Variants in EYS observed in about 807,000 individuals in gnomAD.
EYS encodes EGF-like photoreceptor maintenance factor.
A neutral mutation model predicts 282.1 loss-of-function variants in EYS; 250 were observed. The observed-to-expected ratio is 0.89, with a 90% confidence interval of 0.80 to 0.98. The LOEUF (loss-of-function observed/expected upper bound fraction) is 0.98, where lower values mean the gene tolerates loss of function less well. Ranked by LOEUF, EYS falls within the 50% of genes least tolerant of loss-of-function variation. EYS has a pLI of 0.00. For missense variants in EYS, 4,016 were observed against 3,709.0 expected (o/e 1.08, Z -2.15); for synonymous variants, 1,355 against 1,282.9 (o/e 1.06, Z -1.20).
intron 2 of EYS, among the ~76,000 whole-genome samples, chr6:65,525,051 A>G (rs1018330397): frequency 1.6e-4 from 21 of 130,302 alleles, no homozygotes; most frequent in Non-Finnish European, 3.3e-4. Flanking sequence ...CTTTTTCTAA[A>G]CTGATTTTTT....
intron 2 of EYS, among the ~76,000 whole-genome samples, chr6:65,604,078 T>C (rs1329094207): frequency 1.3e-5 from 2 of 151,904 alleles, no homozygotes; most frequent in South Asian, 2.1e-4. Flanking sequence ...TACTGACTTA[T>C]TATGTCCTCA....
At chr6:65,682,251 T>C (rs1264902021) in intron 1 of EYS, among the ~76,000 whole-genome samples, 3 of 151,944 alleles carry the variant, frequency 2.0e-5, no homozygotes. Flanking sequence ...TGCTGAGAAA[T>C]ACAAGCATAG....
At chr6:65,580,269 G>A (rs1764821697) in intron 2 of EYS, among the ~76,000 whole-genome samples, 1 of 152,054 alleles carries the variant, frequency 6.6e-6, no homozygotes, top group Non-Finnish European at 1.5e-5. Flanking sequence ...AGAAAAGATT[G>A]CTTTGAAATA....
intron 22 of EYS, among the ~76,000 whole-genome samples, chr6:64,744,700 C>T (rs1479714968): frequency 6.6e-6 from 1 of 151,946 alleles, no homozygotes; most frequent in Non-Finnish European, 1.5e-5. Flanking sequence ...AGAGTGTATA[C>T]ACTGAAAAAA....
At chr6:65,677,724 C>T (rs1157227810) in intron 1 of EYS, among the ~76,000 whole-genome samples, 1 of 151,830 alleles carries the variant, frequency 6.6e-6, no homozygotes, top group African/African-American at 2.4e-5. Context: ...TCATAAAGAA[C>T]CACAAAGGAC....
chr6:65,473,278 G>A (rs1246157722), intron 5 of EYS, among the ~76,000 whole-genome samples: 1 of 151,896 alleles, frequency 6.6e-6, no homozygotes, highest in African/African-American at 2.4e-5. Flanking sequence ...CAATATCCTT[G>A]ATGAGGATGG....
intron 26 of EYS, among the ~76,000 whole-genome samples, chr6:64,474,506 T>C (rs1328593361): frequency 6.6e-6 from 1 of 152,228 alleles, no homozygotes; most frequent in Non-Finnish European, 1.5e-5. Flanking sequence ...TCAGTCCTTT[T>C]GGCATCCCAG....
intron 12 of EYS, among the ~76,000 whole-genome samples, chr6:65,233,961 G>A (rs1332234366): frequency 6.6e-6 from 1 of 152,112 alleles, no homozygotes; most frequent in Non-Finnish European, 1.5e-5. Flanking sequence ...GAAGCCCTGA[G>A]TTGACTGTGA....
At chr6:64,692,448 C>A (rs192593490) in intron 22 of EYS, among the ~76,000 whole-genome samples, 1 of 152,002 alleles carries the variant, frequency 6.6e-6, no homozygotes, top group Non-Finnish European at 1.5e-5. Context: ...TCTTTTGCTG[C>A]AAAGAAGCTC....
chr6:63,883,037 C>CA (rs1348126189), intron 35 of EYS, among the ~76,000 whole-genome samples: 8 of 152,146 alleles, frequency 5.3e-5, no homozygotes, highest in African/African-American at 1.7e-4. Context: ...CAATACTCTA[C>CA]AAAAAATTCC....
At chr6:64,767,998 C>T (rs914923022) in intron 22 of EYS, among the ~76,000 whole-genome samples, 2 of 151,820 alleles carry the variant, frequency 1.3e-5, no homozygotes, top group African/African-American at 2.4e-5. Flanking sequence ...GAGATAATAC[C>T]TTATTGCGAT....
intron 33 of EYS, among the ~76,000 whole-genome samples, chr6:64,024,677 T>C (rs1007016090): frequency 2.0e-5 from 3 of 151,946 alleles, no homozygotes; most frequent in African/African-American, 4.8e-5. Context: ...CCCCTGAAGC[T>C]AGCGAGACCA....
At chr6:65,288,827 T>C (rs577428707) in intron 12 of EYS, among the ~76,000 whole-genome samples, 82 of 151,312 alleles carry the variant, frequency 5.4e-4, no homozygotes, top group African/African-American at 2.0e-3. Context: ...TATTTATGAC[T>C]TTTACCTTGT....
At chr6:65,223,064 A>C (rs543674322) in intron 12 of EYS, among the ~76,000 whole-genome samples, 9 of 152,146 alleles carry the variant, frequency 5.9e-5, no homozygotes, top group Non-Finnish European at 1.2e-4. Flanking sequence ...AAAAGCAATG[A>C]TAAATTTAAC....
intron 22 of EYS, among the ~76,000 whole-genome samples, chr6:64,634,594 A>T (rs1310030435): frequency 6.6e-6 from 1 of 151,408 alleles, no homozygotes; most frequent in East Asian, 1.9e-4. Flanking sequence ...CAAAATATTG[A>T]AGTGTGGTAT....
At position 63,970,233 on chromosome 6, in the gene EYS, A is replaced by G. The variant is rs370547234; in HGVS notation, c.7055+14150T>C. Among the ~76,000 whole-genome samples the G allele has an allele frequency of 7.2e-5, 11 of 152,306 alleles. No homozygotes were observed. The East Asian group carries it at 2.1e-3, about 29-fold the overall frequency. On this transcript the variant is annotated intron_variant, in intron 35 of 42. Transcript: ENST00000503581. Reference sequence around the variant, plus strand: ...ATATTATGTTAAGAATTTTCAGATGACCACTTCATAGCATTACACTCCTAG... The same window carrying G: ...ATATTATGTTAAGAATTTTCAGATGGCCACTTCATAGCATTACACTCCTAG...
chr6:65,397,586 GTGTGT>G (rs1766333067), intron 7 of EYS, among the ~76,000 whole-genome samples: 8 of 468 alleles, frequency 0.017, no homozygotes, highest in African/African-American at 0.048. Flanking sequence ...ATTTCATGGT[GTGTGT>G]GTGTGTGTGT....
intron 8 of EYS, among the ~76,000 whole-genome samples, chr6:65,356,941 G>A (rs1764508496): frequency 6.6e-6 from 1 of 151,924 alleles, no homozygotes; most frequent in Non-Finnish European, 1.5e-5. Flanking sequence ...GAAAATAGAT[G>A]TACAATATAA....
chr6:63,811,515 C>T (rs1477906455), intron 36 of EYS, among the ~76,000 whole-genome samples: 2 of 152,198 alleles, frequency 1.3e-5, no homozygotes, highest in Non-Finnish European at 2.9e-5. Flanking sequence ...TCCTCATTCT[C>T]CTTTTCTTCC....
Sources: allele counts gnomAD v4.1 joint callset (sites outside exome capture counted in the v4.1 genomes callset), GRCh38; gene constraint gnomAD v4.1.1; transcripts MANE v1.5; gene names NCBI Gene and HGNC (gene_info 2026-07-23, HGNC 2026-07-21).